Variants in SLC14A2 observed in about 807,000 individuals in gnomAD.
SLC14A2 encodes the protein solute carrier family 14 member 2, also known as urea transporter 2.
Under a neutral mutation model 104.6 loss-of-function variants are expected in SLC14A2, and 91 were observed. The ratio of observed to expected loss-of-function variants is 0.87; its 90% confidence interval spans 0.73 to 1.04. The LOEUF (loss-of-function observed/expected upper bound fraction) is 1.04, where lower values mean the gene tolerates loss of function less well. SLC14A2 is among the 50% of genes least tolerant of loss of function. The pLI is 0.00. For missense variants in SLC14A2, 1,189 were observed against 1,156.0 expected (o/e 1.03, Z -0.41); for synonymous variants, 476 against 466.4 (o/e 1.02, Z -0.27).
intron 1 of SLC14A2, among the ~76,000 whole-genome samples, chr18:45,355,532 C>T (rs1039113820): frequency 1.4e-5 from 2 of 143,886 alleles, no homozygotes; most frequent in African/African-American, 2.7e-5. Context: ...GAGCCGAGAT[C>T]GCACCATTGC....
intron 1 of SLC14A2, among the ~76,000 whole-genome samples, chr18:45,343,293 T>C (rs113166327): frequency 2.0e-5 from 3 of 152,222 alleles, no homozygotes; most frequent in African/African-American, 7.2e-5. Flanking sequence ...AGAGGAGATG[T>C]GTTATTTTAT....
the SLC14A2 span, among the ~76,000 whole-genome samples, chr18:45,170,247 G>A: frequency 1.3e-5 from 2 of 152,086 alleles, no homozygotes; most frequent in Non-Finnish European, 2.9e-5. Flanking sequence ...TCACAGATGA[G>A]TGACTCTATG....
chr18:45,549,370 T>C, intron 2 of SLC14A2, among the ~76,000 whole-genome samples: 1 of 152,174 alleles, frequency 6.6e-6, no homozygotes, highest in East Asian at 1.9e-4. Flanking sequence ...AGCCAAGCTG[T>C]AGAAAGCATT....
intron 2 of SLC14A2, among the ~76,000 whole-genome samples, chr18:45,585,295 A>G (rs1421189730): frequency 6.6e-6 from 1 of 152,158 alleles, no homozygotes; most frequent in Non-Finnish European, 1.5e-5. Flanking sequence ...TTTCTTTCAT[A>G]GCAGTTATCA....
At chr18:45,583,647 G>C (rs1184416035) in intron 2 of SLC14A2, among the ~76,000 whole-genome samples, 1 of 152,032 alleles carries the variant, frequency 6.6e-6, no homozygotes, top group Non-Finnish European at 1.5e-5. Context: ...CACTCAACCT[G>C]CACATCCAGA....
intron 1 of SLC14A2, among the ~76,000 whole-genome samples, chr18:45,227,011 C>T (rs1160733839): frequency 6.6e-6 from 1 of 152,066 alleles, no homozygotes; most frequent in Non-Finnish European, 1.5e-5. Context: ...GAAGGCTGTG[C>T]ACCTCCAGAC....
At chr18:45,364,005 A>G (rs1411725813) in intron 1 of SLC14A2, among the ~76,000 whole-genome samples, 1 of 152,180 alleles carries the variant, frequency 6.6e-6, no homozygotes, top group African/African-American at 2.4e-5. Context: ...AAAAGAGGCC[A>G]TGTGTACCTA....
chr18:45,535,055 G>A (rs748432997), intron 2 of SLC14A2, among the ~76,000 whole-genome samples: 32 of 152,196 alleles, frequency 2.1e-4, no homozygotes, highest in Non-Finnish European at 3.4e-4. Flanking sequence ...TTTCCCATCT[G>A]CTGTGATACC....
chr18:45,405,333 C>T (rs867039091), intron 1 of SLC14A2, among the ~76,000 whole-genome samples: 1 of 152,100 alleles, frequency 6.6e-6, no homozygotes, highest in African/African-American at 2.4e-5. Context: ...AGGATTGAAA[C>T]AAAAGGAGAA....
the SLC14A2 span, among the ~76,000 whole-genome samples, chr18:45,189,993 G>T: frequency 6.6e-6 from 1 of 152,196 alleles, no homozygotes; most frequent in Non-Finnish European, 1.5e-5. Context: ...CTGAGATGAT[G>T]GTCCTGGTTT....
At chr18:45,617,129 G>A (rs1383802110) in intron 1 of SLC14A2, among the ~76,000 whole-genome samples, 1 of 152,156 alleles carries the variant, frequency 6.6e-6, no homozygotes, top group African/African-American at 2.4e-5. Flanking sequence ...TAAGAAGGGT[G>A]TGACGATCTC....
the SLC14A2 span, among the ~76,000 whole-genome samples, chr18:45,179,628 C>A: frequency 6.6e-6 from 1 of 152,116 alleles, no homozygotes; most frequent in Non-Finnish European, 1.5e-5. Flanking sequence ...GAGAACACAG[C>A]AAGGTTATAG....
At chr18:45,351,435 G>A (rs59286159) in intron 1 of SLC14A2, among the ~76,000 whole-genome samples, 6,108 of 152,166 alleles carry the variant, frequency 0.04, 403 homozygotes, top group African/African-American at 0.14. Flanking sequence ...GCTCACTACA[G>A]CCTTGACCTT....
intron 1 of SLC14A2, among the ~76,000 whole-genome samples, chr18:45,334,115 G>T (rs538877675): frequency 6.6e-6 from 1 of 152,292 alleles, no homozygotes; most frequent in African/African-American, 2.4e-5. Flanking sequence ...TGAGGTGTGG[G>T]CAATGCTGAA....
At chr18:45,204,977 G>A in the SLC14A2 span, among the ~76,000 whole-genome samples, 1 of 152,162 alleles carries the variant, frequency 6.6e-6, no homozygotes, top group African/African-American at 2.4e-5. Context: ...CCTGCCTTGG[G>A]TATCAGCTCC....
chr18:45,476,566 G>C (rs184865648), intron 1 of SLC14A2, among the ~76,000 whole-genome samples: 1 of 152,278 alleles, frequency 6.6e-6, no homozygotes, highest in East Asian at 1.9e-4. Context: ...ACAATATCCT[G>C]AAGAGTGTTT....
intron 18 of SLC14A2, among the ~76,000 whole-genome samples, chr18:45,675,514 C>CTGT (rs377611022): frequency 1.4e-4 from 21 of 151,198 alleles, no homozygotes; most frequent in South Asian, 4.2e-4. Context: ...GGGCGTTTTA[C>CTGT]TGTTGTTGTT....
At chr18:45,513,262 T>G (rs2043393000) in intron 2 of SLC14A2, among the ~76,000 whole-genome samples, 1 of 152,216 alleles carries the variant, frequency 6.6e-6, no homozygotes, top group Non-Finnish European at 1.5e-5. Flanking sequence ...GATCAAAATC[T>G]GCTGTACAAA....
At chr18:45,563,394 C>T (rs2044228817) in intron 2 of SLC14A2, among the ~76,000 whole-genome samples, 1 of 152,050 alleles carries the variant, frequency 6.6e-6, no homozygotes, top group African/African-American at 2.4e-5. Flanking sequence ...TTTAGAAGGC[C>T]CTCTTGAAGA....
Sources: allele counts gnomAD v4.1 joint callset (sites outside exome capture counted in the v4.1 genomes callset), GRCh38; gene constraint gnomAD v4.1.1; transcripts MANE v1.5; gene names NCBI Gene and HGNC (gene_info 2026-07-23, HGNC 2026-07-21).